OR2L13: variants seen among roughly 807,000 people sequenced by gnomAD.
OR2L13 encodes the protein olfactory receptor family 2 subfamily L member 13.
A neutral mutation model predicts 15.3 loss-of-function variants in OR2L13; 14 were observed. That is an observed-to-expected ratio of 0.91 (90% CI 0.60 to 1.43). The LOEUF (loss-of-function observed/expected upper bound fraction) is 1.43. OR2L13 is among the 40% of genes most tolerant of loss of function. OR2L13 has a pLI of 0.00. For synonymous variants in OR2L13, 152 were observed against 142.9 expected, an observed-to-expected ratio of 1.06 and a Z score of -0.45; for missense variants, 367 against 387.9, an observed-to-expected ratio of 0.95 and a Z score of 0.45.
the OR2L13 span, among the ~76,000 whole-genome samples, chr1:247,943,171 G>T: frequency 6.6e-6 from 1 of 152,060 alleles, no homozygotes; most frequent in Non-Finnish European, 1.5e-5. Flanking sequence ...CATGGGCATA[G>T]AAATATTTGT....
At chr1:247,958,462 T>C in the OR2L13 span, among the ~76,000 whole-genome samples, 1 of 152,336 alleles carries the variant, frequency 6.6e-6, no homozygotes, top group Admixed American at 6.5e-5. Flanking sequence ...TTAGGTCCGC[T>C]TGGTGCAGAG....
chr1:247,966,572 C>G, the OR2L13 span, among the ~76,000 whole-genome samples: 6 of 152,144 alleles, frequency 3.9e-5, no homozygotes, highest in African/African-American at 9.7e-5. Flanking sequence ...AAACATTTAA[C>G]CTCAAGATAA....
the OR2L13 span, among the ~76,000 whole-genome samples, chr1:247,947,208 T>A: frequency 6.6e-6 from 1 of 152,232 alleles, no homozygotes; most frequent in Non-Finnish European, 1.5e-5. Context: ...ATGGATTTCA[T>A]AACAGATCAT....
the OR2L13 span, among the ~76,000 whole-genome samples, chr1:247,964,442 G>A: frequency 0.013 from 1,951 of 152,212 alleles, 15 homozygotes; most frequent in Non-Finnish European, 0.02. Context: ...GACTTCCAAA[G>A]AGTATGAAAT....
chr1:248,054,844 G>A, the OR2L13 span, among the ~76,000 whole-genome samples: 7 of 152,192 alleles, frequency 4.6e-5, no homozygotes, highest in African/African-American at 1.7e-4. Flanking sequence ...CCTTTGGGCT[G>A]AGTCAGTCTG....
At chr1:248,086,447 A>G in the OR2L13 span, among the ~76,000 whole-genome samples, 1 of 152,174 alleles carries the variant, frequency 6.6e-6, no homozygotes, top group Admixed American at 6.5e-5. Flanking sequence ...AAAAATTATG[A>G]TGTATAATAT....
the OR2L13 span, among the ~76,000 whole-genome samples, chr1:247,985,418 T>C: frequency 6.6e-6 from 1 of 152,210 alleles, no homozygotes; most frequent in African/African-American, 2.4e-5. Flanking sequence ...GCTTCATCCA[T>C]GTCCCTACAA....
At chr1:248,092,339 C>T (rs1664614673), upstream of OR2L13, among the ~76,000 whole-genome samples, 1 of 152,034 alleles carries the variant, frequency 6.6e-6, no homozygotes. Flanking sequence ...TGTGTATGTA[C>T]CTAACAACAT....
chr1:247,993,805 G>GAA, the OR2L13 span, among the ~76,000 whole-genome samples: 2 of 135,234 alleles, frequency 1.5e-5, no homozygotes, highest in South Asian at 2.1e-4. Context: ...GAGAGAGAGA[G>GAA]AGAGAGAAAG....
chr1:248,060,814 A>T, the OR2L13 span: 1 of 1,613,822 alleles, frequency 6.2e-7, no homozygotes, highest in Non-Finnish European at 8.5e-7. Context: ...CCTATCCATG[A>T]TTCTTCTCAT....
At chr1:248,052,148 T>C in the OR2L13 span, among the ~76,000 whole-genome samples, 1 of 152,222 alleles carries the variant, frequency 6.6e-6, no homozygotes, top group African/African-American at 2.4e-5. Context: ...AACAATTCTT[T>C]ATAGTTTTAT....
the OR2L13 span, among the ~76,000 whole-genome samples, chr1:247,945,809 G>A: frequency 3.9e-5 from 6 of 152,062 alleles, no homozygotes; most frequent in Non-Finnish European, 8.8e-5. Flanking sequence ...CAGAAACTAG[G>A]ATTGCTACCC....
At chr1:248,003,537 G>A in the OR2L13 span, 1 of 1,612,520 alleles carries the variant, frequency 6.2e-7, no homozygotes, top group Non-Finnish European at 8.5e-7. Flanking sequence ...ATCCGCATGA[G>A]CAAAAGAGTG....
At chr1:248,038,214 C>G in the OR2L13 span, 3 of 1,263,210 alleles carry the variant, frequency 2.4e-6, no homozygotes, top group African/African-American at 4.5e-5. Flanking sequence ...AAGTGAATTA[C>G]TGTTCTTAAT....
chr1:247,949,364 A>G, the OR2L13 span: 2 of 1,614,198 alleles, frequency 1.2e-6, no homozygotes, highest in Non-Finnish European at 1.7e-6. Flanking sequence ...CTTATTGCCG[A>G]TCCAGGGCCA....
chr1:248,052,464 C>T, the OR2L13 span, among the ~76,000 whole-genome samples: 1 of 152,114 alleles, frequency 6.6e-6, no homozygotes, highest in Non-Finnish European at 1.5e-5. Flanking sequence ...TGCGGTGGCT[C>T]ATGCCGGTAA....
At chr1:248,007,006 T>G in the OR2L13 span, among the ~76,000 whole-genome samples, 11 of 152,154 alleles carry the variant, frequency 7.2e-5, no homozygotes, top group East Asian at 1.9e-3. Context: ...TTGTTATTTA[T>G]TATTATTGGA....
chr1:247,997,785 C>T, the OR2L13 span, among the ~76,000 whole-genome samples: 1 of 152,150 alleles, frequency 6.6e-6, no homozygotes, highest in Non-Finnish European at 1.5e-5. Flanking sequence ...AGGCCATCCT[C>T]TGACATTAGT....
At chr1:247,993,345 T>G in the OR2L13 span, among the ~76,000 whole-genome samples, 991 of 146,834 alleles carry the variant, frequency 6.7e-3, 3 homozygotes, top group Middle Eastern at 0.014. Context: ...CCTCGTTGTT[T>G]TTTTTTTTTT....
Sources: gnomAD v4.1 joint callset for allele counts (sites outside exome capture counted in the v4.1 genomes callset) on GRCh38, gnomAD v4.1.1 for gene constraint, MANE v1.5 for transcripts, NCBI Gene and HGNC (gene_info 2026-07-23, HGNC 2026-07-21) for gene names.